DIS3L2: variants seen among roughly 807,000 people sequenced by gnomAD.
The protein encoded by DIS3L2 is DIS3-like exonuclease 2.
In DIS3L2, 34 loss-of-function variants were observed where a neutral mutation model predicts 97.5. The ratio of observed to expected loss-of-function variants is 0.35; its 90% CI spans 0.27 to 0.46. The LOEUF (loss-of-function observed/expected upper bound fraction) is 0.46, where lower values mean the gene tolerates loss of function less well. DIS3L2 is among the 20% of genes least tolerant of loss of function. The pLI, the probability that DIS3L2 is intolerant of heterozygous loss-of-function variation, is 1.00. For synonymous variants in DIS3L2, 435 were observed against 445.2 expected (o/e 0.98, Z 0.29); for missense variants, 1,038 against 1,146.0 (o/e 0.91, Z 1.36).
chr2:232,019,798 A>G (rs1371381066), intron 3 of DIS3L2, among the ~76,000 whole-genome samples: 1 of 152,022 alleles, frequency 6.6e-6, no homozygotes, highest in African/African-American at 2.4e-5. Flanking sequence ...ACCAGTGAGC[A>G]AGTTAGGCAA....
chr2:231,980,828 C>G (rs1170118975), intron 1 of DIS3L2, among the ~76,000 whole-genome samples: 1 of 152,028 alleles, frequency 6.6e-6, no homozygotes, highest in East Asian at 1.9e-4. Flanking sequence ...CTTTTTTGAT[C>G]AAAAGCAGGG....
chr2:232,194,057 C>T (rs1691683288), intron 9 of DIS3L2, among the ~76,000 whole-genome samples: 1 of 152,024 alleles, frequency 6.6e-6, no homozygotes, highest in Admixed American at 6.5e-5. Flanking sequence ...TTGCAGTGAG[C>T]CGGGATCGTA....
At chr2:232,124,831 G>C (rs1368946142) in intron 6 of DIS3L2, among the ~76,000 whole-genome samples, 2 of 152,156 alleles carry the variant, frequency 1.3e-5, no homozygotes, top group Non-Finnish European at 2.9e-5. Context: ...AGAAAAAAAA[G>C]TTTGTCTTCA....
intron 13 of DIS3L2, among the ~76,000 whole-genome samples, chr2:232,291,240 A>T (rs974757363): frequency 2.6e-5 from 4 of 152,262 alleles, no homozygotes; most frequent in Non-Finnish European, 5.9e-5. Flanking sequence ...ATGGAAAAAA[A>T]GAAATTATAC....
chr2:232,052,469 T>C (rs1177878835), intron 5 of DIS3L2, among the ~76,000 whole-genome samples: 1 of 152,224 alleles, frequency 6.6e-6, no homozygotes, highest in Non-Finnish European at 1.5e-5. Flanking sequence ...CTGGAGTCTT[T>C]TAGGTTTTTA....
At chr2:232,108,957 A>G (rs1003504404) in intron 6 of DIS3L2, among the ~76,000 whole-genome samples, 4 of 152,262 alleles carry the variant, frequency 2.6e-5, no homozygotes, top group Non-Finnish European at 4.4e-5. Context: ...TGGAAGAATC[A>G]ATATTGTGAA....
chr2:231,974,496 A>T (rs1225670160), intron 1 of DIS3L2, among the ~76,000 whole-genome samples: 1 of 137,640 alleles, frequency 7.3e-6, no homozygotes, highest in Non-Finnish European at 1.6e-5. Flanking sequence ...TGTATTTTTC[A>T]TCTCAGTTGA....
intron 5 of DIS3L2, 75 bp from the exon 6 acceptor site, chr2:232,087,412 C>G: frequency 8.6e-7 from 1 of 1,167,816 alleles, no homozygotes; most frequent in Non-Finnish European, 1.2e-6. Flanking sequence ...CAGTTTCTTC[C>G]TTAGAAAAGA....
intron 9 of DIS3L2, among the ~76,000 whole-genome samples, chr2:232,208,776 C>T (rs1458816986): frequency 6.6e-6 from 1 of 151,938 alleles, no homozygotes; most frequent in East Asian, 1.9e-4. Context: ...ACCTGTAATC[C>T]CAGCACTTTG....
At chr2:232,083,931 T>C (rs142951664) in intron 5 of DIS3L2, among the ~76,000 whole-genome samples, 9 of 152,292 alleles carry the variant, frequency 5.9e-5, no homozygotes, top group East Asian at 1.9e-4. Flanking sequence ...AAACCCGAGA[T>C]TGTATATAGC....
chr2:232,003,985 G>GT, intron 1 of DIS3L2, among the ~76,000 whole-genome samples: 1 of 152,144 alleles, frequency 6.6e-6, no homozygotes, highest in East Asian at 1.9e-4. Flanking sequence ...ATGTATTTAT[G>GT]TTTTTCAGCA....
In DIS3L2 at chr2:232,259,102, G is replaced by A. The variant is rs566879193; in HGVS notation, c.1426-4105G>A. On this transcript the variant is annotated intron_variant, in intron 12 of 20. Coordinates refer to ENST00000325385, the MANE Select transcript of DIS3L2 (RefSeq NM_152383.5). ...CTTCAAGCTTCTACCTCAGCCCTTC[G>A]TGTATTTAAAGAGAAGGTTGGGATG... Among the ~76,000 whole-genome samples, 31 of 152,242 alleles carry A rather than the reference G, an allele frequency of 2.0e-4. No individual in the cohort carries two copies. The South Asian group carries it at 2.7e-3, about 13-fold the overall frequency.
chr2:232,255,366 C>A (rs183094422), intron 12 of DIS3L2, among the ~76,000 whole-genome samples: 1 of 152,318 alleles, frequency 6.6e-6, no homozygotes, highest in East Asian at 1.9e-4. Flanking sequence ...CCACCAGTCT[C>A]ACCTGGAGTT....
chr2:232,196,412 C>T (rs1691757809), intron 9 of DIS3L2, among the ~76,000 whole-genome samples: 1 of 152,194 alleles, frequency 6.6e-6, no homozygotes, highest in South Asian at 2.1e-4. Context: ...AAAACGGTGC[C>T]AGGCCTGTTA....
intron 12 of DIS3L2, among the ~76,000 whole-genome samples, chr2:232,261,352 A>G (rs1693706667): frequency 6.6e-6 from 1 of 152,146 alleles, no homozygotes; most frequent in Non-Finnish European, 1.5e-5. Flanking sequence ...ACTGCCACAC[A>G]GCCCTCTGTT....
chr2:232,263,920 T>C (rs1201502874), intron 13 of DIS3L2, among the ~76,000 whole-genome samples: 6 of 152,246 alleles, frequency 3.9e-5, no homozygotes, highest in Non-Finnish European at 8.8e-5. Flanking sequence ...AAGAGTTATT[T>C]GTTTACAAAT....
chr2:232,004,068 C>A (rs1003736565), intron 1 of DIS3L2, among the ~76,000 whole-genome samples: 10 of 148,092 alleles, frequency 6.8e-5, no homozygotes, highest in African/African-American at 2.2e-4. Flanking sequence ...AAATCAATTC[C>A]CCTTATTTAT....
At chr2:232,081,704 A>G (rs1289406899) in intron 5 of DIS3L2, among the ~76,000 whole-genome samples, 6 of 152,138 alleles carry the variant, frequency 3.9e-5, no homozygotes, top group African/African-American at 1.4e-4. Context: ...TTGTTTTCCC[A>G]GTATGACAGG....
chr2:232,070,485 G>A (rs930050028), intron 5 of DIS3L2, among the ~76,000 whole-genome samples: 2 of 152,036 alleles, frequency 1.3e-5, no homozygotes, highest in East Asian at 1.9e-4. Flanking sequence ...GGATCCTGCT[G>A]TGTTCTATGA....
Sources: gnomAD v4.1 joint callset for allele counts (sites outside exome capture counted in the v4.1 genomes callset) on GRCh38, gnomAD v4.1.1 for gene constraint, MANE v1.5 for transcripts, NCBI Gene and HGNC (gene_info 2026-07-23, HGNC 2026-07-21) for gene names.